NFIB: variants seen among roughly 807,000 people sequenced by gnomAD.
NFIB encodes the protein nuclear factor 1 B-type.
In NFIB, 11 loss-of-function variants were observed where a neutral mutation model predicts 61.5. The observed-to-expected ratio is 0.18, with a 90% CI of 0.11 to 0.30. The LOEUF is 0.30. Among genes scored for constraint, NFIB ranks in the 10% least tolerant of loss-of-function variants. The pLI is 1.00. For missense variants in NFIB, 471 were observed against 608.9 expected, an observed-to-expected ratio of 0.77 and a Z score of 2.38; for synonymous variants, 260 against 216.5, an observed-to-expected ratio of 1.20 and a Z score of -1.76.
intron 2 of NFIB, among the ~76,000 whole-genome samples, chr9:14,253,505 G>A (rs556292578): frequency 1.3e-5 from 2 of 152,192 alleles, no homozygotes; most frequent in South Asian, 4.2e-4. Context: ...GTGAGATTTC[G>A]ATCCTTTGGC....
chr9:14,118,768 CT>C (rs35334290), intron 8 of NFIB, among the ~76,000 whole-genome samples: 20,126 of 128,780 alleles, frequency 0.16, 1,283 homozygotes, highest in Non-Finnish European at 0.19. Context: ...TTTTCTTTTT[CT>C]TTTTTTTTTT....
At chr9:14,205,826 T>C (rs2049626188) in intron 2 of NFIB, among the ~76,000 whole-genome samples, 2 of 152,184 alleles carry the variant, frequency 1.3e-5, no homozygotes, top group Admixed American at 6.5e-5. Flanking sequence ...CACACCAATA[T>C]TGTTTACTTA....
chr9:14,530,411 A>AGG, the NFIB span, among the ~76,000 whole-genome samples: 1,943 of 137,042 alleles, frequency 0.014, 44 homozygotes, highest in African/African-American at 0.047. Flanking sequence ...GGAAAGAGAG[A>AGG]GGGAGAGAGA....
At chr9:14,257,695 G>C (rs1053017047) in intron 2 of NFIB, among the ~76,000 whole-genome samples, 1 of 152,210 alleles carries the variant, frequency 6.6e-6, no homozygotes, top group African/African-American at 2.4e-5. Flanking sequence ...GACAGAGGTT[G>C]TGGTGTGCCA....
chr9:14,286,803 A>C (rs760590631), intron 2 of NFIB, among the ~76,000 whole-genome samples: 1 of 151,070 alleles, frequency 6.6e-6, no homozygotes, highest in Non-Finnish European at 1.5e-5. Flanking sequence ...TTCACTGCAG[A>C]CAGAATGGCT....
chr9:14,230,684 G>A (rs546690524), intron 2 of NFIB, among the ~76,000 whole-genome samples: 2 of 152,076 alleles, frequency 1.3e-5, no homozygotes. Flanking sequence ...AGAAGTGAAG[G>A]CATTTAGGTA....
At chr9:14,103,442 G>A (rs1276629565) in intron 10 of NFIB, among the ~76,000 whole-genome samples, 1 of 151,970 alleles carries the variant, frequency 6.6e-6, no homozygotes, top group Admixed American at 6.6e-5. Flanking sequence ...CTTCTTCACA[G>A]TAATCCACTA....
At chr9:14,289,315 C>T (rs773599766) in intron 2 of NFIB, among the ~76,000 whole-genome samples, 2 of 150,954 alleles carry the variant, frequency 1.3e-5, no homozygotes, top group Non-Finnish European at 3.0e-5. Context: ...AAAGAATCAA[C>T]AAGCCCACTG....
chr9:14,406,871 T>C, the NFIB span, among the ~76,000 whole-genome samples: 2 of 152,230 alleles, frequency 1.3e-5, no homozygotes, highest in South Asian at 2.1e-4. Context: ...AGCGATTACG[T>C]AGAGCAAAGC....
intron 2 of NFIB, among the ~76,000 whole-genome samples, chr9:14,295,637 C>CAA (rs777950926): frequency 2.7e-5 from 4 of 150,364 alleles, no homozygotes; most frequent in African/African-American, 9.8e-5. Context: ...TCTCAAAAAA[C>CAA]AAACAAACAA....
chr9:14,323,130 C>T (rs149240641), intron 1 of NFIB, among the ~76,000 whole-genome samples: 51 of 152,312 alleles, frequency 3.3e-4, no homozygotes, highest in African/African-American at 1.2e-3. Context: ...GGCTGCGCAG[C>T]GTTATCATTA....
intron 1 of NFIB, among the ~76,000 whole-genome samples, chr9:14,312,110 C>A (rs1299992893): frequency 6.6e-6 from 1 of 152,160 alleles, no homozygotes; most frequent in Admixed American, 6.5e-5. Context: ...GTTAATCATA[C>A]TCAGATGCCA....
chr9:14,456,211 T>C, the NFIB span, among the ~76,000 whole-genome samples: 1 of 96,712 alleles, frequency 1.0e-5, no homozygotes, highest in African/African-American at 4.5e-5. Flanking sequence ...TACTTGGCAT[T>C]TTTTTTTTTT....
chr9:14,509,298 C>T, the NFIB span, among the ~76,000 whole-genome samples: 1 of 152,210 alleles, frequency 6.6e-6, no homozygotes, highest in African/African-American at 2.4e-5. Flanking sequence ...GCCAGACACA[C>T]ATGTTCTGCA....
intron 2 of NFIB, among the ~76,000 whole-genome samples, chr9:14,211,913 G>A (rs919112870): frequency 3.3e-5 from 5 of 152,296 alleles, no homozygotes; most frequent in Non-Finnish European, 5.9e-5. Context: ...AGATTAAAGC[G>A]TTTAAAGAAT....
At chr9:14,268,260 T>C (rs903961432) in intron 2 of NFIB, among the ~76,000 whole-genome samples, 2 of 152,172 alleles carry the variant, frequency 1.3e-5, no homozygotes, top group Non-Finnish European at 2.9e-5. Context: ...CATCCTCCAC[T>C]TTGCTGTCAG....
chr9:14,504,884 G>A, the NFIB span, among the ~76,000 whole-genome samples: 5 of 152,184 alleles, frequency 3.3e-5, no homozygotes, highest in Non-Finnish European at 7.3e-5. Flanking sequence ...TAGAAGTGGT[G>A]AAAGTGGGCA....
At chr9:14,137,647 A>C (rs2131010362) in intron 6 of NFIB, among the ~76,000 whole-genome samples, 1 of 152,318 alleles carries the variant, frequency 6.6e-6, no homozygotes, top group East Asian at 1.9e-4. Flanking sequence ...TTTCCTAATC[A>C]CAATTACAGT....
At chr9:14,174,859 C>G (rs753677867) in intron 3 of NFIB, among the ~76,000 whole-genome samples, 2 of 151,304 alleles carry the variant, frequency 1.3e-5, no homozygotes, top group Non-Finnish European at 2.9e-5. Context: ...ACACCATATT[C>G]CAAGATAAAA....
Sources: allele counts gnomAD v4.1 joint callset (sites outside exome capture counted in the v4.1 genomes callset), GRCh38; gene constraint gnomAD v4.1.1; transcripts MANE v1.5; gene names NCBI Gene and HGNC (gene_info 2026-07-23, HGNC 2026-07-21).